The following C1QTNF7 variants were observed in gnomAD, a reference collection of about 807,000 sequenced individuals.
C1QTNF7 encodes the protein complement C1q tumor necrosis factor-related protein 7.
Under a neutral mutation model 19.6 loss-of-function variants are expected in C1QTNF7, and 15 were observed. That is an observed-to-expected ratio of 0.76 (90% confidence interval 0.51 to 1.18). The LOEUF (loss-of-function observed/expected upper bound fraction) is 1.18, where lower values mean the gene tolerates loss of function less well. C1QTNF7 is among the 50% of genes most tolerant of loss of function. C1QTNF7 has a pLI of 0.00. For synonymous variants in C1QTNF7, 142 were observed against 137.5 expected (o/e 1.03, Z -0.23); for missense variants, 324 against 359.7 (o/e 0.90, Z 0.80).
chr4:15,339,906 G>T (rs1389624181), upstream of C1QTNF7: 2 of 541,676 alleles, frequency 3.7e-6, no homozygotes, highest in Non-Finnish European at 6.5e-6. Flanking sequence ...GATCGCAGTT[G>T]CTTTAAATTA....
chr4:15,346,277 T>C (rs963005542), intron 1 of C1QTNF7, among the ~76,000 whole-genome samples: 3 of 152,214 alleles, frequency 2.0e-5, no homozygotes, highest in East Asian at 3.9e-4. Flanking sequence ...CAATACATGT[T>C]TGTCTGTCTT....
rs148284144 is a variant in C1QTNF7 at position 15,389,123 on chromosome 4, C to T, written c.14-46613C>T. Among the ~76,000 whole-genome samples, 24 of 152,224 alleles carry T rather than the reference C, an allele frequency of 1.6e-4. 1 individual carries two copies. The Middle Eastern group carries it at 0.01, about 65-fold the overall frequency. ...GGATACAGGGGACTTTGCTGATGAG[C>T]GGCCTTGAGTTTTAAGGGGCAGTAG... On this transcript the variant is annotated intron_variant, in intron 1 of 2. Coordinates refer to the C1QTNF7 transcript ENST00000295297.
intron 1 of C1QTNF7, among the ~76,000 whole-genome samples, chr4:15,361,695 C>T (rs1717349387): frequency 6.6e-6 from 1 of 152,170 alleles, no homozygotes; most frequent in South Asian, 2.1e-4. Flanking sequence ...TGGTTTCTTT[C>T]ATTCTAAGAA....
At chr4:15,395,733 A>C (rs1284475618) in intron 1 of C1QTNF7, among the ~76,000 whole-genome samples, 1 of 152,200 alleles carries the variant, frequency 6.6e-6, no homozygotes, top group African/African-American at 2.4e-5. Flanking sequence ...CTCTGTGCTG[A>C]GAAAATACAG....
chr4:15,371,468 G>T (rs1259630499), intron 1 of C1QTNF7, among the ~76,000 whole-genome samples: 1 of 152,120 alleles, frequency 6.6e-6, no homozygotes, highest in Non-Finnish European at 1.5e-5. Context: ...TGTCCTAATG[G>T]CTGGACATAT....
At chr4:15,407,975 G>C (rs950913357) in intron 1 of C1QTNF7, among the ~76,000 whole-genome samples, 4 of 152,096 alleles carry the variant, frequency 2.6e-5, no homozygotes, top group Non-Finnish European at 5.9e-5. Context: ...CGTATATACA[G>C]ATAAGAAAGT....
chr4:15,340,183 T>C (rs762764730), exon 1 of C1QTNF7: 7 of 1,551,570 alleles, frequency 4.5e-6, no homozygotes, highest in African/African-American at 4.1e-5. Flanking sequence ...GGGGGAAAGT[T>C]TGATATCAGC....
At chr4:15,396,294 T>C (rs1446155330) in intron 1 of C1QTNF7, among the ~76,000 whole-genome samples, 1 of 152,028 alleles carries the variant, frequency 6.6e-6, no homozygotes, top group Non-Finnish European at 1.5e-5. Context: ...TTGGAGATGA[T>C]TGAGATTGAG....
chr4:15,425,212 G>C (rs76386622), upstream of C1QTNF7, among the ~76,000 whole-genome samples: 563 of 152,126 alleles, frequency 3.7e-3, 1 homozygote, highest in East Asian at 0.028. Flanking sequence ...ATCACCCATA[G>C]AGCTTTTAAA....
intron 1 of C1QTNF7, among the ~76,000 whole-genome samples, chr4:15,344,736 T>G (rs1359789680): frequency 1.3e-5 from 2 of 152,258 alleles, no homozygotes; most frequent in Non-Finnish European, 2.9e-5. Flanking sequence ...CTACAAAATT[T>G]TATGCATTTA....
At chr4:15,353,572 G>T (rs1004342801) in intron 1 of C1QTNF7, among the ~76,000 whole-genome samples, 5 of 152,144 alleles carry the variant, frequency 3.3e-5, no homozygotes, top group African/African-American at 9.7e-5. Flanking sequence ...CATCTGTGAT[G>T]TCTCTAATTG....
At chr4:15,379,536 G>C (rs1718066017) in intron 1 of C1QTNF7, among the ~76,000 whole-genome samples, 2 of 152,158 alleles carry the variant, frequency 1.3e-5, no homozygotes, top group African/African-American at 2.4e-5. Context: ...TCATCAACTA[G>C]CAAGCAGCAA....
At chr4:15,405,584 G>A (rs1719160291) in intron 1 of C1QTNF7, among the ~76,000 whole-genome samples, 1 of 152,138 alleles carries the variant, frequency 6.6e-6, no homozygotes, top group African/African-American at 2.4e-5. Context: ...GAGAACTTAA[G>A]TTCACAAAAC....
At chr4:15,372,613 T>C (rs534343721) in intron 1 of C1QTNF7, among the ~76,000 whole-genome samples, 5 of 152,198 alleles carry the variant, frequency 3.3e-5, no homozygotes, top group African/African-American at 1.2e-4. Context: ...AAGGGTAAGA[T>C]AGTGAATGGA....
At chr4:15,420,903 T>C (rs1458514293) in intron 1 of C1QTNF7, among the ~76,000 whole-genome samples, 1 of 147,098 alleles carries the variant, frequency 6.8e-6, no homozygotes, top group Non-Finnish European at 1.5e-5. Context: ...TGAGTCATTG[T>C]TGGATTTCCC....
upstream of C1QTNF7, among the ~76,000 whole-genome samples, chr4:15,423,566 C>T (rs1711890272): frequency 6.6e-6 from 1 of 152,234 alleles, no homozygotes. Flanking sequence ...ACCTGGTCAA[C>T]AGCCTGGTTC....
chr4:15,361,380 C>T (rs1299437065), intron 1 of C1QTNF7: 2 of 152,120 alleles, frequency 1.3e-5, no homozygotes, highest in East Asian at 3.9e-4. Flanking sequence ...ACTGTCTCCC[C>T]AGGCTCAGAA....
intron 2 of C1QTNF7, among the ~76,000 whole-genome samples, chr4:15,440,020 T>C (rs1712688922): frequency 6.6e-6 from 1 of 151,988 alleles, no homozygotes; most frequent in Non-Finnish European, 1.5e-5. Context: ...ATATAATGTG[T>C]TATATACATA....
At chr4:15,433,440 CA>C (rs1261934536) in intron 1 of C1QTNF7, among the ~76,000 whole-genome samples, 3 of 152,080 alleles carry the variant, frequency 2.0e-5, no homozygotes, top group African/African-American at 7.2e-5. Context: ...CCTACTTGAA[CA>C]CGTTCCCTCC....
Sources: gnomAD v4.1 joint callset for allele counts (sites outside exome capture counted in the v4.1 genomes callset) on GRCh38, gnomAD v4.1.1 for gene constraint, MANE v1.5 for transcripts, NCBI Gene and HGNC (gene_info 2026-07-23, HGNC 2026-07-21) for gene names.